Variants in RPTOR observed in about 807,000 individuals in gnomAD.
The protein encoded by RPTOR is regulatory-associated protein of mTOR.
In RPTOR, 21 loss-of-function variants were observed where a neutral mutation model predicts 169.9. That is an observed-to-expected ratio of 0.12 (90% CI 0.09 to 0.18). RPTOR has a LOEUF of 0.18. Among genes scored for constraint, RPTOR ranks in the 10% least tolerant of loss-of-function variants. The pLI is 1.00. For synonymous variants in RPTOR, 732 were observed against 753.2 expected (o/e 0.97, Z 0.46); for missense variants, 1,133 against 1,855.9 (o/e 0.61, Z 7.16).
intron 2 of RPTOR, among the ~76,000 whole-genome samples, chr17:80,641,333 A>G (rs1451425229): frequency 6.6e-6 from 1 of 152,258 alleles, no homozygotes; most frequent in Non-Finnish European, 1.5e-5. Context: ...ATTGAATTAG[A>G]ACCATTGAAT....
chr17:80,680,346 T>G (rs1324338547), intron 3 of RPTOR, among the ~76,000 whole-genome samples: 1 of 152,158 alleles, frequency 6.6e-6, no homozygotes, highest in African/African-American at 2.4e-5. Flanking sequence ...GTTAAAATAC[T>G]CAGAATCAGC....
intron 3 of RPTOR, among the ~76,000 whole-genome samples, chr17:80,679,430 G>C (rs987505302): frequency 6.6e-6 from 1 of 152,172 alleles, no homozygotes; most frequent in Non-Finnish European, 1.5e-5. Context: ...AAAGATTTTT[G>C]GGGGGTGGTG....
At chr17:80,814,728 G>A (rs568193842) in intron 7 of RPTOR, among the ~76,000 whole-genome samples, 19 of 152,270 alleles carry the variant, frequency 1.2e-4, no homozygotes, top group African/African-American at 3.4e-4. Context: ...GCTAAGCATC[G>A]TAACAGCAAG....
In RPTOR at chr17:80,947,319, G is replaced by A. The variant is rs1215226681; in HGVS notation, c.3233G>A (p.Gly1078Asp). The change falls in exon 27 of 34, where the codon GGC (glycine) becomes GAC (aspartate). Residue 1078 changes from glycine (G) to aspartate (D), a missense_variant. Gly to Asp is a moderately conservative substitution (Grantham distance 94). Transcript: ENST00000306801. The surrounding 1 kb of genome is among the most constrained non-coding windows in gnomAD (Gnocchi z 4.4). Reference sequence around the variant, plus strand: ...GTCACTGCCATGGAGTATCTGAACGGCCAGGACTGCTCGCTTCTGCTGACG... The same window carrying A: ...GTCACTGCCATGGAGTATCTGAACGACCAGGACTGCTCGCTTCTGCTGACG... ...TRVTAMEYLNGQDCSLLLTAT... is the reference protein window; with the variant it reads ...TRVTAMEYLNDQDCSLLLTAT... 27 of 1,589,138 alleles carry A rather than the reference G, an allele frequency of 1.7e-5. No individual in the cohort carries two copies. Among genetic ancestry groups the A allele is most frequent in the Non-Finnish European group, 2.3e-5 (27 of 1,170,020 alleles).
intron 21 of RPTOR, chr17:80,909,563 C>G (rs2068587455): frequency 6.6e-6 from 1 of 152,142 alleles, no homozygotes; most frequent in South Asian, 2.1e-4. Context: ...GAGACAGAGT[C>G]TCAGTGTGTC....
intron 4 of RPTOR, among the ~76,000 whole-genome samples, chr17:80,714,288 T>G (rs894808389): frequency 2.0e-5 from 3 of 152,276 alleles, no homozygotes; most frequent in Non-Finnish European, 2.9e-5. Context: ...CATAGTATAT[T>G]TTTTCTAGTC....
At chr17:80,727,006 T>C (rs1267657557) in intron 4 of RPTOR, among the ~76,000 whole-genome samples, 1 of 152,118 alleles carries the variant, frequency 6.6e-6, no homozygotes, top group Non-Finnish European at 1.5e-5. Flanking sequence ...GGAGGAAGCG[T>C]GCTCAAGTGC....
intron 11 of RPTOR, among the ~76,000 whole-genome samples, chr17:80,847,954 C>T (rs1042970226): frequency 4.6e-5 from 7 of 152,254 alleles, no homozygotes; most frequent in Non-Finnish European, 8.8e-5. Flanking sequence ...CCTTCCCTTC[C>T]GCCGTTCAGT....
chr17:80,779,619 C>G (rs1442570978), intron 6 of RPTOR, among the ~76,000 whole-genome samples: 2 of 152,086 alleles, frequency 1.3e-5, no homozygotes, highest in Non-Finnish European at 2.9e-5. Flanking sequence ...TTGCGGAAGC[C>G]TCTTAAGGGC....
rs534250645 is a variant in RPTOR, at chr17:80,590,494, G to A, written c.163-35197G>A. Among the ~76,000 whole-genome samples, 8 of 149,294 alleles carry A rather than the reference G, an allele frequency of 5.4e-5. No individual in the cohort carries two copies. In the East Asian group the frequency reaches 7.9e-4, roughly 15 times the overall value. On this transcript the variant is annotated intron_variant, in intron 1 of 33. Coordinates refer to ENST00000306801, the MANE Select transcript of RPTOR (RefSeq NM_020761.3). ...TAGGCATGCAGGTATGCGCACATGC[G>A]TGCACACAGTGTCTTTAATGGTTGA...
At position 80,936,041 on chromosome 17, in the gene RPTOR, G is replaced by T. The variant is rs2068951411; in HGVS notation, c.2920-4455G>T. Among the ~76,000 whole-genome samples the T allele has an allele frequency of 6.6e-6, 1 of 152,120 alleles. No homozygotes were observed. The highest frequency in any genetic ancestry group is 1.5e-5 in the Non-Finnish European group (1 of 68,040). ...TAAGCAGCCCAATTAAAAAACAGTG[G>T]CGAAAGATTTTACAGACACCCCACC... On this transcript the variant is annotated intron_variant, in intron 24 of 33. Coordinates refer to ENST00000306801, the MANE Select transcript of RPTOR (RefSeq NM_020761.3). The surrounding 1 kb of genome is among the most constrained non-coding windows in gnomAD (Gnocchi z 4.1).
intron 3 of RPTOR, among the ~76,000 whole-genome samples, chr17:80,670,587 C>T (rs547102651): frequency 6.6e-6 from 1 of 152,284 alleles, no homozygotes; most frequent in Admixed American, 6.5e-5. Flanking sequence ...GGTCTCTTCC[C>T]CACTTGACTG....
intron 5 of RPTOR, among the ~76,000 whole-genome samples, chr17:80,742,739 C>T (rs968753270): frequency 5.9e-5 from 9 of 151,972 alleles, no homozygotes; most frequent in Non-Finnish European, 8.8e-5. Flanking sequence ...CATGCATGTG[C>T]GCACACATAC....
chr17:80,937,212 C>T (rs1460866692), intron 24 of RPTOR, among the ~76,000 whole-genome samples: 3 of 152,120 alleles, frequency 2.0e-5, no homozygotes, highest in Non-Finnish European at 4.4e-5. Context: ...CGATCTTTTC[C>T]CATGGGTGCC....
At chr17:80,768,532 A>C (rs1441238497) in intron 6 of RPTOR, among the ~76,000 whole-genome samples, 1 of 152,212 alleles carries the variant, frequency 6.6e-6, no homozygotes, top group Non-Finnish European at 1.5e-5. Flanking sequence ...GCTTGGGTGA[A>C]ATACTGCACG....
chr17:80,927,730 T>TTGTGTGTG lies in RPTOR; in HGVS notation c.2919+2251_2919+2252insGTGTGTGT, dbSNP rs1567991857. ...GTATCTCGTGTGTGTGTCTGTGTGT[T>TTGTGTGTG]TCTGTGTGTCTGTGTGTGTGTGTCT... On this transcript the variant is annotated intron_variant, in intron 24 of 33. Coordinates refer to ENST00000306801, the MANE Select transcript of RPTOR (RefSeq NM_020761.3). Among the ~76,000 whole-genome samples, 19 of 15,338 alleles carry TTGTGTGTG rather than the reference T, an allele frequency of 1.2e-3. No homozygotes were observed. The South Asian group carries it at 0.021, about 17-fold the overall frequency. The allele number at this position is 15,338 out of a possible 152,430, so 10.1% of individuals were successfully genotyped here. A position where few individuals can be genotyped will look rare whatever the true frequency, so the allele number is the denominator to read the frequency against.
chr17:80,612,705 A>C (rs1251627460), intron 1 of RPTOR, among the ~76,000 whole-genome samples: 2 of 152,174 alleles, frequency 1.3e-5, no homozygotes, highest in Non-Finnish European at 2.9e-5. Flanking sequence ...GTCTCTACAA[A>C]AAATACAAAA....
intron 28 of RPTOR, among the ~76,000 whole-genome samples, chr17:80,956,642 C>T (rs552613664): frequency 1.2e-4 from 18 of 152,378 alleles, no homozygotes; most frequent in African/African-American, 4.1e-4. Context: ...TCTGCCCAGG[C>T]GTCCAGACGG....
intron 4 of RPTOR, among the ~76,000 whole-genome samples, chr17:80,710,784 CTG>C (rs1355430776): frequency 1.3e-5 from 2 of 152,174 alleles, no homozygotes; most frequent in African/African-American, 4.8e-5. Context: ...TATATTAAAT[CTG>C]TGTTCGTGAG....
Sources: gnomAD v4.1 joint callset for allele counts (sites outside exome capture counted in the v4.1 genomes callset) on GRCh38, gnomAD v4.1.1 for gene constraint, Gnocchi (gnomAD v3.1) non-coding constraint, MANE v1.5 for transcripts, NCBI Gene and HGNC (gene_info 2026-07-23, HGNC 2026-07-21) for gene names.